The following VPS8 variants were observed in gnomAD, a reference collection of about 807,000 sequenced individuals.
The protein encoded by VPS8 is VPS8 subunit of CORVET complex.
A neutral mutation model predicts 216.4 loss-of-function variants in VPS8; 129 were observed. That is an observed-to-expected ratio of 0.60 (90% CI 0.52 to 0.69). VPS8 has a LOEUF of 0.69. VPS8 is among the 30% of genes least tolerant of loss of function. The pLI is 0.00. For missense variants in VPS8, 1,531 were observed against 1,683.5 expected (o/e 0.91, Z 1.59); for synonymous variants, 571 against 565.4 (o/e 1.01, Z -0.14).
chr3:185,038,349 G>A (rs60682968), intron 46 of VPS8, among the ~76,000 whole-genome samples: 12,622 of 152,176 alleles, frequency 0.083, 1,200 homozygotes, highest in African/African-American at 0.23. Flanking sequence ...TTCCACTAAC[G>A]CCTTAGGACA....
At chr3:184,914,101 T>C (rs1412020197) in intron 26 of VPS8, among the ~76,000 whole-genome samples, 3 of 152,212 alleles carry the variant, frequency 2.0e-5, no homozygotes, top group Non-Finnish European at 4.4e-5. Flanking sequence ...AATTGAGCCC[T>C]GATAGAACTT....
At chr3:184,827,621 A>G (rs146638441) in intron 3 of VPS8, among the ~76,000 whole-genome samples, 101 of 152,356 alleles carry the variant, frequency 6.6e-4, no homozygotes, top group African/African-American at 1.9e-3. Context: ...AAATTATTAT[A>G]TCAGCAAAGA....
intron 44 of VPS8, among the ~76,000 whole-genome samples, chr3:184,998,527 A>G (rs1485243162): frequency 1.5e-5 from 2 of 132,606 alleles, no homozygotes; most frequent in Non-Finnish European, 3.2e-5. Context: ...ATATATATAT[A>G]TATATATATA....
intron 45 of VPS8, among the ~76,000 whole-genome samples, chr3:185,021,987 C>T (rs1380586278): frequency 6.6e-6 from 1 of 152,220 alleles, no homozygotes; most frequent in East Asian, 1.9e-4. Flanking sequence ...TATGGTTTGG[C>T]CATGTCCCCA....
chr3:185,007,496 G>A (rs1391608174), intron 45 of VPS8, among the ~76,000 whole-genome samples: 1 of 152,152 alleles, frequency 6.6e-6, no homozygotes, highest in Non-Finnish European at 1.5e-5. Flanking sequence ...TTAGTCAACA[G>A]GTAACTTGAT....
At chr3:184,913,331 C>T (rs908755169) in intron 25 of VPS8, among the ~76,000 whole-genome samples, 188 bp from the exon 26 acceptor site, 1 of 152,136 alleles carries the variant, frequency 6.6e-6, no homozygotes, top group Non-Finnish European at 1.5e-5. Context: ...TTATATTGCT[C>T]TTGTGTCTGT....
chr3:184,838,335 A>G (rs1161873402), intron 5 of VPS8, among the ~76,000 whole-genome samples: 1 of 152,160 alleles, frequency 6.6e-6, no homozygotes, highest in African/African-American at 2.4e-5. Flanking sequence ...AACATCTTTA[A>G]CATGTTTACT....
At chr3:184,916,172 C>G (rs1737553641) in intron 28 of VPS8, among the ~76,000 whole-genome samples, 1 of 152,160 alleles carries the variant, frequency 6.6e-6, no homozygotes, top group Non-Finnish European at 1.5e-5. Context: ...AACGCGGAAG[C>G]TTTTTGCTGA....
chr3:184,898,789 C>A, intron 24 of VPS8, 135 bp downstream of exon 24: 1 of 659,154 alleles, frequency 1.5e-6, no homozygotes, highest in Non-Finnish European at 2.4e-6. Flanking sequence ...GACCTTGAAC[C>A]CATTTTAGCT....
chr3:184,843,031 A>G (rs1456400297), intron 7 of VPS8, among the ~76,000 whole-genome samples: 1 of 151,960 alleles, frequency 6.6e-6, no homozygotes, highest in Non-Finnish European at 1.5e-5. Flanking sequence ...CTCTAATGAG[A>G]GTATTATGGA....
intron 40 of VPS8, among the ~76,000 whole-genome samples, chr3:184,978,170 G>T (rs1749608741): frequency 6.6e-6 from 1 of 151,968 alleles, no homozygotes; most frequent in South Asian, 2.1e-4. Flanking sequence ...TTGGAAGGTT[G>T]TATGTTTCCA....
chr3:184,976,184 C>G (rs1425017612), intron 40 of VPS8, among the ~76,000 whole-genome samples: 1 of 152,148 alleles, frequency 6.6e-6, no homozygotes, highest in Non-Finnish European at 1.5e-5. Context: ...TTCCTACTCT[C>G]CTCTTCACAT....
chr3:184,854,926 T>C (rs1381813290), intron 13 of VPS8, among the ~76,000 whole-genome samples: 1 of 152,170 alleles, frequency 6.6e-6, no homozygotes, highest in Non-Finnish European at 1.5e-5. Context: ...GGATGGAGAA[T>C]GGTGGTACAG....
intron 21 of VPS8, among the ~76,000 whole-genome samples, chr3:184,872,763 A>C (rs1048878640): frequency 1.3e-5 from 2 of 152,122 alleles, no homozygotes; most frequent in African/African-American, 4.8e-5. Context: ...TGAGTCCTCT[A>C]TTTCAGAAAG....
At chr3:184,917,754 A>G (rs1317156083) in intron 28 of VPS8, among the ~76,000 whole-genome samples, 1 of 152,250 alleles carries the variant, frequency 6.6e-6, no homozygotes, top group Non-Finnish European at 1.5e-5. Flanking sequence ...GAAGCCTTTT[A>G]GGAAGAAAAA....
At chr3:184,832,232 G>C (rs1241563985) in intron 3 of VPS8, among the ~76,000 whole-genome samples, 1 of 152,026 alleles carries the variant, frequency 6.6e-6, no homozygotes, top group Non-Finnish European at 1.5e-5. Flanking sequence ...GTGTCTTTCT[G>C]TGCTGTTTCC....
chr3:184,861,140 G>A (rs933261009), intron 15 of VPS8, among the ~76,000 whole-genome samples: 1 of 152,130 alleles, frequency 6.6e-6, no homozygotes, highest in African/African-American at 2.4e-5. Flanking sequence ...GGTTTAAAAA[G>A]AGATTTCTTT....
chr3:184,981,353 A>T (rs977658544), intron 40 of VPS8, among the ~76,000 whole-genome samples: 6 of 151,522 alleles, frequency 4.0e-5, no homozygotes, highest in African/African-American at 1.5e-4. Context: ...CATGGACAGC[A>T]GTGGTGTGGG....
intron 20 of VPS8, 39 bp from the exon 21 acceptor site, chr3:184,870,677 A>G: frequency 6.8e-7 from 1 of 1,474,454 alleles, no homozygotes; most frequent in Non-Finnish European, 9.3e-7. Context: ...AACTTTAGAG[A>G]TATATTTTAA....
Sources: gnomAD v4.1 joint callset for allele counts (sites outside exome capture counted in the v4.1 genomes callset) on GRCh38, gnomAD v4.1.1 for gene constraint, MANE v1.5 for transcripts, NCBI Gene and HGNC (gene_info 2026-07-23, HGNC 2026-07-21) for gene names.